The following SLC24A2 variants were observed in gnomAD, a reference collection of about 807,000 sequenced individuals.
The protein encoded by SLC24A2 is solute carrier family 24 member 2.
In SLC24A2, 36 loss-of-function variants were observed where a neutral mutation model predicts 62.0. The observed-to-expected ratio is 0.58, with a 90% CI of 0.44 to 0.77. The LOEUF is 0.77. Among genes scored for constraint, SLC24A2 ranks in the 30% least tolerant of loss-of-function variants. The pLI, the probability that SLC24A2 is intolerant of heterozygous loss-of-function variation, is 0.00. For missense variants in SLC24A2, 846 were observed against 817.9 expected, an observed-to-expected ratio of 1.03 and a Z score of -0.42; for synonymous variants, 358 against 294.0, an observed-to-expected ratio of 1.22 and a Z score of -2.23.
chr9:19,910,138 C>T, the SLC24A2 span, among the ~76,000 whole-genome samples: 1 of 152,042 alleles, frequency 6.6e-6, no homozygotes, highest in Non-Finnish European at 1.5e-5. Context: ...ATCTTATTTC[C>T]TCTTCATCTG....
At chr9:19,947,879 G>T in the SLC24A2 span, among the ~76,000 whole-genome samples, 1 of 150,496 alleles carries the variant, frequency 6.6e-6, no homozygotes, top group Non-Finnish European at 1.5e-5. Context: ...AATACACTTT[G>T]TTGGATAGAT....
intron 2 of SLC24A2, among the ~76,000 whole-genome samples, chr9:19,739,390 A>T (rs1587248309): frequency 6.6e-6 from 1 of 152,186 alleles, no homozygotes; most frequent in Non-Finnish European, 1.5e-5. Flanking sequence ...AAGAATCAAG[A>T]AAGTTCTGAA....
chr9:19,832,285 A>T, the SLC24A2 span, among the ~76,000 whole-genome samples: 1 of 152,270 alleles, frequency 6.6e-6, no homozygotes, highest in Non-Finnish European at 1.5e-5. Context: ...AATTTGGCTG[A>T]TTTTAAATGA....
chr9:20,017,951 T>A, the SLC24A2 span, among the ~76,000 whole-genome samples: 1 of 152,134 alleles, frequency 6.6e-6, no homozygotes, highest in Admixed American at 6.6e-5. Context: ...ATACTTTGCA[T>A]CCTTTTCTTT....
the SLC24A2 span, among the ~76,000 whole-genome samples, chr9:20,089,714 G>A: frequency 8.7e-6 from 1 of 114,526 alleles, no homozygotes; most frequent in Non-Finnish European, 1.6e-5. Context: ...CACTGCCACA[G>A]TAGCAGTTCT....
intron 4 of SLC24A2, among the ~76,000 whole-genome samples, chr9:19,619,127 A>G (rs1464149991): frequency 2.0e-5 from 3 of 152,134 alleles, no homozygotes; most frequent in Non-Finnish European, 2.9e-5. Context: ...TACACTCTCA[A>G]CGTTCTGCCA....
intron 2 of SLC24A2, among the ~76,000 whole-genome samples, chr9:19,728,082 C>T (rs557277220): frequency 1.3e-3 from 192 of 152,176 alleles, no homozygotes; most frequent in African/African-American, 4.4e-3. Flanking sequence ...TTAGGTGTGT[C>T]GGCTGTGGAG....
the SLC24A2 span, among the ~76,000 whole-genome samples, chr9:20,206,351 T>C: frequency 1.3e-5 from 2 of 152,304 alleles, no homozygotes; most frequent in East Asian, 3.9e-4. Context: ...TCAACACCTA[T>C]TAAGCCAGAC....
At chr9:19,671,137 G>T in intron 2 of SLC24A2, among the ~76,000 whole-genome samples, 1 of 81,822 alleles carries the variant, frequency 1.2e-5, no homozygotes, top group African/African-American at 3.1e-5. Flanking sequence ...GATTGCTTTT[G>T]GCAGCATGGT....
the SLC24A2 span, among the ~76,000 whole-genome samples, chr9:20,303,034 C>T: frequency 7.0e-4 from 106 of 152,204 alleles, no homozygotes; most frequent in Non-Finnish European, 1.3e-3. Flanking sequence ...CCCAAAAGTA[C>T]CACTTTACCC....
the SLC24A2 span, among the ~76,000 whole-genome samples, chr9:20,140,977 T>G: frequency 6.6e-6 from 1 of 152,148 alleles, no homozygotes; most frequent in Non-Finnish European, 1.5e-5. Context: ...CCTGAAAAAC[T>G]GAGGCTACTA....
the SLC24A2 span, among the ~76,000 whole-genome samples, chr9:20,249,475 G>A: frequency 8.5e-5 from 13 of 152,192 alleles, no homozygotes; most frequent in South Asian, 2.1e-3. Context: ...GGAGACCAAG[G>A]CGGGTGGATC....
At chr9:19,531,837 T>C (rs181747033) in intron 8 of SLC24A2, among the ~76,000 whole-genome samples, 176 of 152,248 alleles carry the variant, frequency 1.2e-3, no homozygotes, top group African/African-American at 4.1e-3. Context: ...GGTTTCTTCA[T>C]CTGTAAAATG....
chr9:19,974,456 A>G, the SLC24A2 span, among the ~76,000 whole-genome samples: 3 of 152,174 alleles, frequency 2.0e-5, no homozygotes, highest in Non-Finnish European at 4.4e-5. Context: ...ACAAGTGCTT[A>G]TGTACTCTTT....
At chr9:19,857,185 A>G in the SLC24A2 span, among the ~76,000 whole-genome samples, 1 of 152,154 alleles carries the variant, frequency 6.6e-6, no homozygotes, top group Non-Finnish European at 1.5e-5. Context: ...AATCTTCTAG[A>G]GTTTACTTAT....
chr9:19,523,823 C>G (rs144529738), intron 9 of SLC24A2, among the ~76,000 whole-genome samples: 122 of 152,208 alleles, frequency 8.0e-4, no homozygotes, highest in African/African-American at 2.9e-3. Context: ...ATTAGACTGT[C>G]AGGTGTCTGG....
chr9:20,052,495 C>T, the SLC24A2 span, among the ~76,000 whole-genome samples: 1 of 152,192 alleles, frequency 6.6e-6, no homozygotes, highest in Non-Finnish European at 1.5e-5. Context: ...CAATTTGTCT[C>T]TAACTCCTTG....
the SLC24A2 span, among the ~76,000 whole-genome samples, chr9:20,059,378 C>T: frequency 6.6e-6 from 1 of 152,094 alleles, no homozygotes. Context: ...GGAATATTTT[C>T]CAGGATGGAC....
intron 2 of SLC24A2, among the ~76,000 whole-genome samples, chr9:19,717,967 T>C (rs1406208668): frequency 6.7e-6 from 1 of 148,556 alleles, no homozygotes; most frequent in Non-Finnish European, 1.5e-5. Context: ...GGCTAGATGA[T>C]TTAAAACTTT....
Sources: allele counts gnomAD v4.1 joint callset (sites outside exome capture counted in the v4.1 genomes callset), GRCh38; gene constraint gnomAD v4.1.1; transcripts MANE v1.5; gene names NCBI Gene and HGNC (gene_info 2026-07-23, HGNC 2026-07-21).